Variants in SLC25A21 observed in about 807,000 individuals in gnomAD.
The protein encoded by SLC25A21 is solute carrier family 25 member 21.
In SLC25A21, 47 loss-of-function variants were observed where a neutral mutation model predicts 43.8. The ratio of observed to expected loss-of-function variants is 1.07; its 90% CI spans 0.85 to 1.37. The LOEUF is 1.37. Among genes scored for constraint, SLC25A21 ranks in the 40% most tolerant of loss-of-function variants. The pLI, the probability that SLC25A21 is intolerant of heterozygous loss-of-function variation, is 0.00. For missense variants in SLC25A21, 352 were observed against 350.2 expected, an observed-to-expected ratio of 1.00 and a Z score of -0.04; for synonymous variants, 131 against 121.3, an observed-to-expected ratio of 1.08 and a Z score of -0.52.
chr14:36,782,957 AAATAT>A (rs1257720234), intron 3 of SLC25A21, among the ~76,000 whole-genome samples: 8 of 145,574 alleles, frequency 5.5e-5, no homozygotes, highest in Non-Finnish European at 1.1e-4. Context: ...TATAATAAAA[AAATAT>A]AAATAAATAA....
intron 3 of SLC25A21, among the ~76,000 whole-genome samples, chr14:36,782,712 A>G (rs953734783): frequency 2.6e-5 from 4 of 151,544 alleles, no homozygotes; most frequent in African/African-American, 9.7e-5. Flanking sequence ...ACAAAAAACC[A>G]AACACCGCAT....
chr14:36,735,232 T>C (rs1440324038), intron 3 of SLC25A21, among the ~76,000 whole-genome samples: 4 of 152,164 alleles, frequency 2.6e-5, no homozygotes, highest in African/African-American at 9.7e-5. Flanking sequence ...ACTTTGCCAG[T>C]GTTGACGGGC....
chr14:37,139,949 A>C (rs1010375056), intron 1 of SLC25A21, among the ~76,000 whole-genome samples: 3 of 152,236 alleles, frequency 2.0e-5, no homozygotes, highest in Non-Finnish European at 4.4e-5. Flanking sequence ...CCGAAACTAA[A>C]ATGAACATTA....
At chr14:36,740,178 A>C (rs1885195555) in intron 3 of SLC25A21, among the ~76,000 whole-genome samples, 1 of 152,238 alleles carries the variant, frequency 6.6e-6, no homozygotes, top group Non-Finnish European at 1.5e-5. Context: ...TAATTGTTAA[A>C]TCTTAAGCAA....
chr14:36,739,013 A>G (rs916522833), intron 3 of SLC25A21, among the ~76,000 whole-genome samples: 1 of 152,214 alleles, frequency 6.6e-6, no homozygotes, highest in African/African-American at 2.4e-5. Context: ...CAAATAAGAT[A>G]TAGCAACCTA....
chr14:36,813,748 T>TTA lies in SLC25A21; in HGVS notation c.203+168_203+169dup, dbSNP rs541580408. Among the ~76,000 whole-genome samples, 294 of 152,204 alleles carry TTA rather than the reference T, an allele frequency of 1.9e-3. 1 individual carries two copies. The highest frequency in any genetic ancestry group is 6.4e-3 in the African/African-American group (266 of 41,542). On this transcript the variant is annotated intron_variant, in intron 3 of 9. Transcript: ENST00000331299. ...TAATATCTTCTTGTGGTAGTTTCCA[T>TTA]TATATATATATCCAGTTTTCAATCA...
intron 1 of SLC25A21, among the ~76,000 whole-genome samples, chr14:36,941,251 T>A (rs1406482648): frequency 6.6e-6 from 1 of 152,132 alleles, no homozygotes; most frequent in Non-Finnish European, 1.5e-5. Flanking sequence ...CTCATATTTT[T>A]AGAAATCATG....
chr14:37,129,320 C>A (rs1226827271), intron 1 of SLC25A21, among the ~76,000 whole-genome samples: 1 of 152,180 alleles, frequency 6.6e-6, no homozygotes, highest in African/African-American at 2.4e-5. Context: ...AGTGGCAGGT[C>A]AGCATCTAGT....
chr14:36,771,381 T>G (rs976196725), intron 3 of SLC25A21, among the ~76,000 whole-genome samples: 3 of 152,172 alleles, frequency 2.0e-5, no homozygotes, highest in Admixed American at 2.0e-4. Flanking sequence ...TGGTGGCACT[T>G]ATGAGTGCAA....
intron 1 of SLC25A21, among the ~76,000 whole-genome samples, chr14:37,117,962 AT>A (rs1963136436): frequency 6.6e-6 from 1 of 152,122 alleles, no homozygotes; most frequent in African/African-American, 2.4e-5. Flanking sequence ...CTACAAAATG[AT>A]TCTTTTTTGT....
intron 1 of SLC25A21, among the ~76,000 whole-genome samples, chr14:36,928,171 C>T (rs1892185023): frequency 6.6e-6 from 1 of 152,126 alleles, no homozygotes; most frequent in African/African-American, 2.4e-5. Flanking sequence ...ATTATAACAT[C>T]AAGTTGATAT....
intron 1 of SLC25A21, among the ~76,000 whole-genome samples, chr14:36,876,682 G>A (rs1890535654): frequency 1.3e-5 from 2 of 151,834 alleles, no homozygotes; most frequent in South Asian, 4.2e-4. Flanking sequence ...TTTTTGTTCT[G>A]GTGCCTTCAT....
At chr14:37,110,268 AACTAGTCCCTTGAGC>A in intron 1 of SLC25A21, among the ~76,000 whole-genome samples, 1 of 152,176 alleles carries the variant, frequency 6.6e-6, no homozygotes, top group East Asian at 1.9e-4. Flanking sequence ...TTAGCCAGAA[AACTAGTCCCTTGAGC>A]ACTTGCTTCA....
chr14:36,977,940 CTTT>C (rs35382738), intron 1 of SLC25A21, among the ~76,000 whole-genome samples: 333 of 128,118 alleles, frequency 2.6e-3, no homozygotes, highest in East Asian at 0.015. Context: ...GATTACAAAG[CTTT>C]TTTTTTTTTT....
intron 3 of SLC25A21, among the ~76,000 whole-genome samples, chr14:36,758,572 A>G (rs1566580788): frequency 7.3e-6 from 1 of 137,754 alleles, no homozygotes; most frequent in Non-Finnish European, 1.5e-5. Flanking sequence ...TTTCTTTTCT[A>G]TATTGGGTCA....
intron 1 of SLC25A21, among the ~76,000 whole-genome samples, chr14:36,936,368 G>A (rs1056265597): frequency 7.4e-5 from 11 of 149,262 alleles, no homozygotes; most frequent in African/African-American, 2.7e-4. Flanking sequence ...CTCCCGGCCC[G>A]GGCCACCGTT....
At position 36,895,543 on chromosome 14, in the gene SLC25A21, A is replaced by G. The variant is rs141030918; in HGVS notation, c.71-20539T>C. ...GTTTTTTGTGTCTCTATTTCCTTCA[A>G]TTCTGCTCTGACCTTAGTTATTTCT... On this transcript the variant is annotated intron_variant, in intron 1 of 9. Transcript: ENST00000331299. 3.1e-3 allele frequency among the ~76,000 whole-genome samples: 467 copies of G among 151,996 alleles called. 4 individuals carry two copies. The highest frequency in any genetic ancestry group is 0.01 in the African/African-American group (429 of 41,398).
At chr14:37,049,938 G>T (rs764789670) in intron 1 of SLC25A21, among the ~76,000 whole-genome samples, 25 of 152,132 alleles carry the variant, frequency 1.6e-4, no homozygotes, top group Non-Finnish European at 3.4e-4. Context: ...ATAGCTAATG[G>T]CTACTATATT....
At chr14:36,989,415 G>T (rs1280080235) in intron 1 of SLC25A21, among the ~76,000 whole-genome samples, 1 of 152,108 alleles carries the variant, frequency 6.6e-6, no homozygotes, top group Non-Finnish European at 1.5e-5. Flanking sequence ...AATATTGGGA[G>T]GGGGGTGGCA....
Sources: allele counts gnomAD v4.1 joint callset (sites outside exome capture counted in the v4.1 genomes callset), GRCh38; gene constraint gnomAD v4.1.1; transcripts MANE v1.5; gene names NCBI Gene and HGNC (gene_info 2026-07-23, HGNC 2026-07-21).